The following ZNF638 variants were observed in gnomAD, a reference collection of about 807,000 sequenced individuals.
The protein encoded by ZNF638 is CTCL tumor antigen se33-1.
ZNF638 carries 46 observed loss-of-function variants against 195.6 expected under a neutral mutation model. The observed-to-expected ratio is 0.24, with a 90% CI of 0.19 to 0.30. The LOEUF is 0.30. Among genes scored for constraint, ZNF638 ranks in the 10% least tolerant of loss-of-function variants. The pLI, the probability that ZNF638 is intolerant of heterozygous loss-of-function variation, is 1.00. For missense variants in ZNF638, 2,440 were observed against 2,325.3 expected, an observed-to-expected ratio of 1.05 and a Z score of -1.01; for synonymous variants, 845 against 772.0, an observed-to-expected ratio of 1.09 and a Z score of -1.57.
At chr2:71,362,664 T>C (rs1031964870) in intron 3 of ZNF638, among the ~76,000 whole-genome samples, 1 of 152,216 alleles carries the variant, frequency 6.6e-6, no homozygotes, top group Admixed American at 6.5e-5. Flanking sequence ...TCCATTCCTA[T>C]TAATAGATCT....
chr2:71,428,054 C>T (rs982199049), intron 24 of ZNF638, among the ~76,000 whole-genome samples: 6 of 151,878 alleles, frequency 4.0e-5, no homozygotes, highest in Non-Finnish European at 2.9e-5. Flanking sequence ...GAGCCAGGCA[C>T]GGTGGCATGC....
chr2:71,383,781 T>TTTTTTTTTTG, intron 10 of ZNF638, among the ~76,000 whole-genome samples: 1 of 108,112 alleles, frequency 9.2e-6, no homozygotes, highest in Non-Finnish European at 2.0e-5. Context: ...TTTTTTTTTT[T>TTTTTTTTTTG]AGTAGAGATG....
Position 71,424,154 on chromosome 2 carries a change from C to G in ZNF638, c.4524+116C>G, listed in dbSNP as rs538304009. On this transcript the variant is annotated intron_variant, in intron 22 of 27. Transcript: ENST00000264447. ...ATACTTTCATCTCCTCACTCTACCC[C>G]GGAAGCTCCCATTTCCTTTTCTTAA... 13 of 1,351,668 alleles carry G rather than the reference C, an allele frequency of 9.6e-6. No individual in the cohort carries two copies. In the African/African-American group the frequency reaches 1.0e-4, roughly 11 times the overall value. 83.7% of individuals were successfully genotyped at this position (1,351,668 alleles called of 1,614,324 possible). A position where few individuals can be genotyped will look rare whatever the true frequency, so the allele number is the denominator to read the frequency against.
chr2:71,369,763 A>G, intron 7 of ZNF638, 120 bp from the exon 8 acceptor site: 1 of 992,242 alleles, frequency 1.0e-6, no homozygotes, highest in Admixed American at 3.4e-5. Flanking sequence ...GGCAAAAGCA[A>G]CCATGACTTG....
intron 10 of ZNF638, among the ~76,000 whole-genome samples, chr2:71,392,087 G>C (rs1440798133): frequency 6.6e-6 from 1 of 152,172 alleles, no homozygotes; most frequent in Non-Finnish European, 1.5e-5. Flanking sequence ...CTGTGGCTGG[G>C]TTATGACCCT....
chr2:71,420,186 CT>C (rs565373628), intron 21 of ZNF638, among the ~76,000 whole-genome samples: 1 of 151,730 alleles, frequency 6.6e-6, no homozygotes, highest in Non-Finnish European at 1.5e-5. Flanking sequence ...CCTCAGCTTC[CT>C]GTGTAGCTGG....
At chr2:71,350,998 G>T (rs952842023) in intron 2 of ZNF638, among the ~76,000 whole-genome samples, 1 of 152,192 alleles carries the variant, frequency 6.6e-6, no homozygotes, top group Non-Finnish European at 1.5e-5. Context: ...AGAACATACT[G>T]TTCAGTCGTA....
At chr2:71,342,151 G>A (rs548566318) in intron 1 of ZNF638, among the ~76,000 whole-genome samples, 2 of 149,672 alleles carry the variant, frequency 1.3e-5, no homozygotes, top group South Asian at 4.2e-4. Context: ...AACCCAGGAG[G>A]TGGAGGTTTC....
intron 5 of ZNF638, 135 bp downstream of exon 5, chr2:71,364,387 CAG>C (rs1349122259): frequency 2.0e-5 from 18 of 908,896 alleles, no homozygotes; most frequent in Non-Finnish European, 2.7e-5. Flanking sequence ...CCACATGCCA[CAG>C]AGTTATTCCC....
At chr2:71,383,567 T>TGG (rs2079572968) in intron 10 of ZNF638, among the ~76,000 whole-genome samples, 4 of 145,762 alleles carry the variant, frequency 2.7e-5, no homozygotes, top group Non-Finnish European at 4.5e-5. Context: ...GTGGTTTTTT[T>TGG]TTTTTTTTTT....
chr2:71,400,993 AT>A (rs2079994770), intron 15 of ZNF638, among the ~76,000 whole-genome samples: 1 of 152,184 alleles, frequency 6.6e-6, no homozygotes, highest in African/African-American at 2.4e-5. Context: ...ATCTATTATT[AT>A]TAATACATTA....
chr2:71,404,206 T>C (rs939082686), intron 17 of ZNF638, among the ~76,000 whole-genome samples: 5 of 152,232 alleles, frequency 3.3e-5, no homozygotes, highest in African/African-American at 1.2e-4. Flanking sequence ...ATTCTTCATG[T>C]ATGTTGGGAT....
chr2:71,343,731 A>G (rs1358769506), intron 1 of ZNF638, among the ~76,000 whole-genome samples: 1 of 152,160 alleles, frequency 6.6e-6, no homozygotes, highest in African/African-American at 2.4e-5. Flanking sequence ...TGACAAGTAG[A>G]TGACAGACTC....
At position 71,423,427 on chromosome 2, in the gene ZNF638, G is replaced by T; in HGVS notation, c.3913G>T (p.Gly1305Cys). Residue 1305 changes from glycine (G) to cysteine (C), a missense_variant, in exon 22 of 28, where the codon GGT becomes TGT. Gly to Cys is a radical substitution (Grantham distance 159, BLOSUM62 -3). Transcript: ENST00000264447. Reference sequence around the variant, plus strand: ...CAAAAAGAATATTTCTGAAAAAAAAGGTAACATGGATGAAAAGGAGGAGAA... The same window carrying T: ...CAAAAAGAATATTTCTGAAAAAAAATGTAACATGGATGAAAAGGAGGAGAA... ...VDKKNISEKK[G>C]NMDEKEEKEF... The T allele has an allele frequency of 6.2e-7, 1 of 1,613,532 alleles. No homozygotes were observed. Among genetic ancestry groups the T allele is most frequent in the Middle Eastern group, 1.7e-4 (1 of 6,056 alleles).
chr2:71,341,553 T>A (rs1216257316), intron 1 of ZNF638, among the ~76,000 whole-genome samples: 1 of 152,120 alleles, frequency 6.6e-6, no homozygotes, highest in East Asian at 1.9e-4. Flanking sequence ...TTGGTAAGGA[T>A]TTTGTTTGCA....
intron 10 of ZNF638, chr2:71,393,294 C>T (rs1447643939): frequency 1.6e-6 from 1 of 625,796 alleles, no homozygotes; most frequent in African/African-American, 1.8e-5. Context: ...GACATAAAAC[C>T]CGCAGTTTTA....
intron 1 of ZNF638, among the ~76,000 whole-genome samples, chr2:71,339,697 T>G: frequency 6.6e-6 from 1 of 152,210 alleles, no homozygotes; most frequent in East Asian, 1.9e-4. Flanking sequence ...AGTTTCTCAG[T>G]AAAGCAGTAA....
chr2:71,377,264 C>T (rs2079448039), intron 8 of ZNF638, among the ~76,000 whole-genome samples: 1 of 151,952 alleles, frequency 6.6e-6, no homozygotes, highest in South Asian at 2.1e-4. Context: ...GATCAGGAGC[C>T]CTTGATGTGG....
intron 10 of ZNF638, among the ~76,000 whole-genome samples, chr2:71,382,469 G>A (rs2079550532): frequency 6.6e-6 from 1 of 152,200 alleles, no homozygotes; most frequent in South Asian, 2.1e-4. Context: ...AGAGTGACAG[G>A]AAGAGTTAAT....
Sources: gnomAD v4.1 joint callset for allele counts (sites outside exome capture counted in the v4.1 genomes callset) on GRCh38, gnomAD v4.1.1 for gene constraint, MANE v1.5 for transcripts, NCBI Gene and HGNC (gene_info 2026-07-23, HGNC 2026-07-21) for gene names.